The following ZNF618 variants were observed in gnomAD, a reference collection of about 807,000 sequenced individuals.
ZNF618 encodes the protein neural precursor cell expressed, developmentally down-regulated 10.
ZNF618 carries 34 observed loss-of-function variants against 103.0 expected under a neutral mutation model. The ratio of observed to expected loss-of-function variants is 0.33; its 90% CI spans 0.25 to 0.44. The LOEUF is 0.44. ZNF618 is among the 20% of genes least tolerant of loss of function. The pLI is 1.00. For missense variants in ZNF618, 1,059 were observed against 1,295.4 expected (o/e 0.82, Z 2.80); for synonymous variants, 551 against 542.2 (o/e 1.02, Z -0.23).
At chr9:113,968,420 A>T (rs1164898168) in intron 1 of ZNF618, among the ~76,000 whole-genome samples, 1 of 152,152 alleles carries the variant, frequency 6.6e-6, no homozygotes, top group East Asian at 1.9e-4. Context: ...AGCTGGCGGT[A>T]GTGAAGATCT....
At chr9:113,993,403 TA>T (rs1180020954) in intron 3 of ZNF618, among the ~76,000 whole-genome samples, 1 of 152,208 alleles carries the variant, frequency 6.6e-6, no homozygotes, top group Non-Finnish European at 1.5e-5. Context: ...ATTGAAAAAT[TA>T]GAAGTGGAAA....
chr9:113,954,340 C>T (rs1836047800), intron 1 of ZNF618, among the ~76,000 whole-genome samples: 2 of 152,126 alleles, frequency 1.3e-5, no homozygotes, highest in African/African-American at 4.8e-5. Context: ...TTGAGGAGAG[C>T]ATTACCCTTT....
At position 114,054,488 on chromosome 9, in the gene ZNF618, C is replaced by T. The variant is rs1304240463; in HGVS notation, c.*4321C>T. Reference sequence around the variant, plus strand: ...TCTGGGATGCATCTTAAGGAGGGCTCCTAACAAGGCCGATGATTTAGACAG... The same window carrying T: ...TCTGGGATGCATCTTAAGGAGGGCTTCTAACAAGGCCGATGATTTAGACAG... On this transcript the variant is annotated 3_prime_UTR_variant, in exon 15 of 15. Transcript: ENST00000374126. The T allele has an allele frequency of 6.6e-6, 1 of 152,352 alleles. No homozygotes were observed. The highest frequency in any genetic ancestry group is 1.5e-5 in the Non-Finnish European group (1 of 68,054). The allele number at this position is 152,352 out of a possible 1,614,324, so 9.4% of individuals were successfully genotyped here.
rs1846102666 is a variant in ZNF618, at chr9:114,051,035, G to A, written c.*868G>A. On this transcript the variant is annotated 3_prime_UTR_variant, in exon 15 of 15. Coordinates refer to ENST00000374126, the MANE Select transcript of ZNF618 (RefSeq NM_001318042.2). ...CATTTTTCAGAGAAGTATAGATACTGTCTCCACTCCCTAATAATTTCTCTC... is the reference window on the plus strand; with the variant it reads ...CATTTTTCAGAGAAGTATAGATACTATCTCCACTCCCTAATAATTTCTCTC... 1 of 152,762 alleles carries A rather than the reference G, an allele frequency of 6.5e-6. No individual in the cohort carries two copies. The highest frequency in any genetic ancestry group is 2.4e-5 in the African/African-American group (1 of 41,568). 9.5% of individuals were successfully genotyped at this position (152,762 alleles called of 1,614,324 possible).
intron 9 of ZNF618, among the ~76,000 whole-genome samples, chr9:114,016,401 A>G (rs1297371121): frequency 6.6e-6 from 1 of 152,146 alleles, no homozygotes. Context: ...TGTTCTAAGC[A>G]CTTGCCATCT....
At chr9:113,909,075 G>A (rs944767076) in intron 1 of ZNF618, among the ~76,000 whole-genome samples, 1 of 151,996 alleles carries the variant, frequency 6.6e-6, no homozygotes, top group East Asian at 1.9e-4. Flanking sequence ...GGAGTCTGGG[G>A]TTCGAGGCGC....
intron 9 of ZNF618, among the ~76,000 whole-genome samples, chr9:114,012,507 A>G (rs796068588): frequency 1.2e-4 from 18 of 152,322 alleles, no homozygotes; most frequent in African/African-American, 3.1e-4. Flanking sequence ...GAGTTTCAAC[A>G]TATGAATTTG....
chr9:113,969,127 C>A lies in ZNF618; in HGVS notation c.44C>A (p.Ala15Asp), dbSNP rs1327669367. 1 of 1,613,968 alleles carries A rather than the reference C, an allele frequency of 6.2e-7. No individual in the cohort carries two copies. The highest frequency in any genetic ancestry group is 1.7e-5 in the Admixed American group (1 of 60,020). Residue 15 changes from alanine (A) to aspartate (D), a missense_variant, in exon 2 of 15, where the codon GCC (alanine) becomes GAC (aspartate). This residue lies in a region of ZNF618 where 194 missense variants were observed against 209.0 expected (regional missense o/e 0.93). Coordinates refer to ENST00000374126, the MANE Select transcript of ZNF618 (RefSeq NM_001318042.2). ...GGAAAPQADG[A>D]SAAGRKSTAS... ...GGGTTTCTTTTGCAGGCTGACGGAG[C>A]CAGTGCAGCCGGAAGGAAAAGCACT...
intron 1 of ZNF618, among the ~76,000 whole-genome samples, chr9:113,893,204 G>C (rs563615043): frequency 6.6e-6 from 1 of 152,306 alleles, no homozygotes; most frequent in East Asian, 1.9e-4. Flanking sequence ...TAGCAGAGCA[G>C]AGATTGGAGC....
intron 9 of ZNF618, among the ~76,000 whole-genome samples, chr9:114,013,671 T>C (rs1385146376): frequency 1.3e-5 from 2 of 152,222 alleles, no homozygotes; most frequent in African/African-American, 4.8e-5. Context: ...GACCTTGTGA[T>C]CCACCTGCCT....
intron 1 of ZNF618, among the ~76,000 whole-genome samples, chr9:113,884,086 G>T (rs1223377257): frequency 6.8e-6 from 1 of 146,206 alleles, no homozygotes; most frequent in Non-Finnish European, 1.5e-5. Context: ...CCATGTCTGT[G>T]TGTAGGTTTT....
At chr9:113,879,826 A>G (rs1466367116) in intron 1 of ZNF618, among the ~76,000 whole-genome samples, 1 of 150,998 alleles carries the variant, frequency 6.6e-6, no homozygotes, top group Non-Finnish European at 1.5e-5. Context: ...TTGAAATTTC[A>G]AGGGCCTGCT....
chr9:113,896,860 G>T (rs138080419), intron 1 of ZNF618, among the ~76,000 whole-genome samples: 360 of 152,046 alleles, frequency 2.4e-3, no homozygotes, highest in Middle Eastern at 6.8e-3. Context: ...GTAAAAATAG[G>T]CCCTCCTTGA....
chr9:113,981,839 C>A (rs1004138161), intron 2 of ZNF618, among the ~76,000 whole-genome samples: 5 of 152,214 alleles, frequency 3.3e-5, no homozygotes, highest in Non-Finnish European at 7.3e-5. Flanking sequence ...TGAGTTCTTT[C>A]TGTGGGCCAG....
intron 4 of ZNF618, among the ~76,000 whole-genome samples, chr9:114,000,396 C>T (rs1024340792): frequency 2.6e-5 from 4 of 152,206 alleles, no homozygotes; most frequent in African/African-American, 4.8e-5. Context: ...GTCCAGCCCA[C>T]GGCCCGTGAC....
intron 1 of ZNF618, among the ~76,000 whole-genome samples, chr9:113,957,002 C>T (rs1235340699): frequency 5.3e-5 from 8 of 152,164 alleles, no homozygotes; most frequent in Non-Finnish European, 8.8e-5. Context: ...GATGAAGAAA[C>T]TGAGTCACAA....
intron 1 of ZNF618, among the ~76,000 whole-genome samples, chr9:113,964,750 CTTTTTTTT>C (rs765191153): frequency 1.0e-5 from 1 of 98,488 alleles, no homozygotes. Flanking sequence ...CTCCTTTCTG[CTTTTTTTT>C]TTTTTTTTTT....
At chr9:113,893,334 G>A (rs1431717284) in intron 1 of ZNF618, among the ~76,000 whole-genome samples, 1 of 152,168 alleles carries the variant, frequency 6.6e-6, no homozygotes, top group Non-Finnish European at 1.5e-5. Flanking sequence ...TATGATAGTT[G>A]TGGCTTATCT....
intron 2 of ZNF618, among the ~76,000 whole-genome samples, chr9:113,980,597 G>A (rs1006224995): frequency 6.6e-6 from 1 of 152,172 alleles, no homozygotes; most frequent in Non-Finnish European, 1.5e-5. Flanking sequence ...AAAAGTACAA[G>A]TCTCCATGAG....
Sources: gnomAD v4.1 joint callset for allele counts (sites outside exome capture counted in the v4.1 genomes callset) on GRCh38, gnomAD v4.1.1 for gene constraint, gnomAD v4.1.1 regional missense constraint, MANE v1.5 for transcripts, NCBI Gene and HGNC (gene_info 2026-07-23, HGNC 2026-07-21) for gene names.